PAN3: variants seen among roughly 807,000 people sequenced by gnomAD.
The protein encoded by PAN3 is PAN2-PAN3 deadenylation complex subunit PAN3.
In PAN3, 19 loss-of-function variants were observed where a neutral mutation model predicts 96.2. The observed-to-expected ratio is 0.20, with a 90% CI of 0.14 to 0.29. PAN3 has a LOEUF of 0.29. PAN3 is among the 10% of genes least tolerant of loss of function. The pLI is 1.00. For missense variants in PAN3, 882 were observed against 1,108.1 expected, an observed-to-expected ratio of 0.80 and a Z score of 2.90; for synonymous variants, 433 against 406.6, an observed-to-expected ratio of 1.06 and a Z score of -0.78.
chr13:28,213,197 A>G (rs1045864327), intron 5 of PAN3, among the ~76,000 whole-genome samples: 1 of 152,212 alleles, frequency 6.6e-6, no homozygotes, highest in Non-Finnish European at 1.5e-5. Context: ...AATGCCATAT[A>G]ACATTTATAT....
intron 4 of PAN3, among the ~76,000 whole-genome samples, chr13:28,195,596 C>G (rs1241725542): frequency 1.3e-5 from 2 of 152,026 alleles, no homozygotes; most frequent in Non-Finnish European, 2.9e-5. Flanking sequence ...AGTGCAGTGT[C>G]ATGATCTCGG....
At chr13:28,207,897 T>C (rs958686622) in intron 5 of PAN3, among the ~76,000 whole-genome samples, 4 of 152,198 alleles carry the variant, frequency 2.6e-5, no homozygotes, top group Non-Finnish European at 4.4e-5. Context: ...GAACACAGTG[T>C]CTATGTTTTA....
intron 7 of PAN3, among the ~76,000 whole-genome samples, chr13:28,259,183 A>C (rs942349585): frequency 6.6e-6 from 1 of 151,144 alleles, no homozygotes; most frequent in Non-Finnish European, 1.5e-5. Flanking sequence ...GCTGGAGTGC[A>C]GTGGCACGAT....
chr13:28,263,853 A>T (rs1885936210), intron 9 of PAN3, among the ~76,000 whole-genome samples: 2 of 152,142 alleles, frequency 1.3e-5, no homozygotes, highest in Admixed American at 6.5e-5. Context: ...AATATTTAAA[A>T]TTTTTTTGTC....
chr13:28,221,081 T>G (rs955592222), intron 6 of PAN3, among the ~76,000 whole-genome samples: 12 of 152,188 alleles, frequency 7.9e-5, no homozygotes, highest in African/African-American at 2.9e-4. Flanking sequence ...GTCTTCATTT[T>G]TATCTTAAGA....
chr13:28,143,720 C>T (rs1164611922), intron 1 of PAN3, among the ~76,000 whole-genome samples: 1 of 152,162 alleles, frequency 6.6e-6, no homozygotes. Context: ...CTATAGTTAA[C>T]CTCTGTATTT....
chr13:28,287,956 A>C, intron 17 of PAN3, 28 bp from the exon 18 acceptor site: 1 of 1,593,856 alleles, frequency 6.3e-7, no homozygotes, highest in Non-Finnish European at 8.5e-7. Flanking sequence ...AGCATGAGTT[A>C]CTGAGGTAAA....
intron 1 of PAN3, among the ~76,000 whole-genome samples, chr13:28,173,127 A>G (rs1212643669): frequency 6.6e-6 from 1 of 152,204 alleles, no homozygotes; most frequent in Middle Eastern, 3.2e-3. Context: ...ATGTGGCATT[A>G]TTAGGTTAAT....
chr13:28,199,923 G>T (rs1475239273), intron 5 of PAN3, among the ~76,000 whole-genome samples: 2 of 152,088 alleles, frequency 1.3e-5, no homozygotes, highest in Admixed American at 6.5e-5. Context: ...AATAATTATG[G>T]CTATGTTTCT....
rs139267821 is a variant in PAN3, at chr13:28,277,092, G to A, written c.2050-145G>A. The A allele has an allele frequency of 1.1e-3, 865 of 790,256 alleles. 3 individuals carry two copies. Among genetic ancestry groups the A allele is most frequent in the Middle Eastern group, 4.9e-3 (15 of 3,032 alleles). The allele number at this position is 790,256 out of a possible 1,614,324, so 49.0% of individuals were successfully genotyped here. A position where few individuals can be genotyped will look rare whatever the true frequency, so the allele number is the denominator to read the frequency against. On this transcript the variant is annotated intron_variant, in intron 14 of 18. Transcript: ENST00000380958. ...AAGTCGTCTTTTTAATAAGCTCCAG[G>A]TTATTCTGAGAATCACCAGTATTTG...
At chr13:28,249,775 C>A (rs1195312905) in intron 6 of PAN3, among the ~76,000 whole-genome samples, 1 of 152,046 alleles carries the variant, frequency 6.6e-6, no homozygotes, top group African/African-American at 2.4e-5. Context: ...TGACTTTGAG[C>A]CTTCCTGTCC....
At chr13:28,149,804 A>G (rs1044442375) in intron 1 of PAN3, among the ~76,000 whole-genome samples, 6 of 152,046 alleles carry the variant, frequency 3.9e-5, no homozygotes, top group Admixed American at 2.0e-4. Flanking sequence ...TTTTGTAGAG[A>G]TAGGGTCTTG....
intron 7 of PAN3, among the ~76,000 whole-genome samples, chr13:28,257,718 TTA>T (rs1241973465): frequency 7.2e-6 from 1 of 138,988 alleles, no homozygotes; most frequent in African/African-American, 2.7e-5. Context: ...TTATATATAA[TTA>T]ATATATATTA....
intron 13 of PAN3, among the ~76,000 whole-genome samples, chr13:28,271,629 G>A (rs1448881983): frequency 2.6e-5 from 4 of 152,110 alleles, no homozygotes; most frequent in African/African-American, 9.7e-5. Flanking sequence ...AACAGTGTCT[G>A]GTACATCTTT....
At chr13:28,150,249 C>T (rs1460377182) in intron 1 of PAN3, among the ~76,000 whole-genome samples, 1 of 152,172 alleles carries the variant, frequency 6.6e-6, no homozygotes, top group Non-Finnish European at 1.5e-5. Context: ...CTTCTGCCTA[C>T]TCCCAAAACT....
chr13:28,223,219 A>G (rs1334959253), intron 6 of PAN3, among the ~76,000 whole-genome samples: 2 of 152,204 alleles, frequency 1.3e-5, no homozygotes, highest in Non-Finnish European at 2.9e-5. Flanking sequence ...ATTTGAATTT[A>G]CTCACAGCTA....
At chr13:28,190,162 C>G (rs1240235677) in intron 4 of PAN3, among the ~76,000 whole-genome samples, 1 of 152,130 alleles carries the variant, frequency 6.6e-6, no homozygotes, top group East Asian at 1.9e-4. Flanking sequence ...CCAGGCTGGT[C>G]TGGAACTCCT....
At chr13:28,274,258 T>G (rs1886875887) in intron 14 of PAN3, among the ~76,000 whole-genome samples, 1 of 152,184 alleles carries the variant, frequency 6.6e-6, no homozygotes, top group African/African-American at 2.4e-5. Flanking sequence ...CTTAGCTACT[T>G]TCATTCTTAT....
intron 6 of PAN3, among the ~76,000 whole-genome samples, chr13:28,246,264 T>C (rs2138528922): frequency 6.6e-6 from 1 of 152,306 alleles, no homozygotes; most frequent in African/African-American, 2.4e-5. Flanking sequence ...TTTTTTTAAA[T>C]CATTGTGTGG....
Sources: allele counts gnomAD v4.1 joint callset (sites outside exome capture counted in the v4.1 genomes callset), GRCh38; gene constraint gnomAD v4.1.1; transcripts MANE v1.5; gene names NCBI Gene and HGNC (gene_info 2026-07-23, HGNC 2026-07-21).